Variants in DENND3 observed in about 807,000 individuals in gnomAD.
DENND3 encodes DENN domain-containing protein 3.
A neutral mutation model predicts 135.1 loss-of-function variants in DENND3; 88 were observed. That is an observed-to-expected ratio of 0.65 (90% CI 0.55 to 0.78). The LOEUF is 0.78. DENND3 is among the 30% of genes least tolerant of loss of function. The pLI, the probability that DENND3 is intolerant of heterozygous loss-of-function variation, is 0.00. For missense variants in DENND3, 1,392 were observed against 1,688.4 expected, an observed-to-expected ratio of 0.82 and a Z score of 3.08; for synonymous variants, 693 against 712.3, an observed-to-expected ratio of 0.97 and a Z score of 0.43.
Position 141,128,825 on chromosome 8 carries a change from A to G in DENND3, c.102+16A>G, listed in dbSNP as rs987920802. ...TCTCGAGCAGGTGAGGGGCGGGGAAACTGAGGCGGACGTGGGCCACGAGTC... is the reference window on the plus strand; with the variant it reads ...TCTCGAGCAGGTGAGGGGCGGGGAAGCTGAGGCGGACGTGGGCCACGAGTC... On this transcript the variant is annotated intron_variant, in intron 1 of 22. Transcript: ENST00000519811. The surrounding 1 kb of genome is among the most constrained non-coding windows in gnomAD (Gnocchi z 4.5). 5.1e-6 allele frequency: 7 copies of G among 1,377,204 alleles called. No homozygotes were observed. In the African/African-American group the frequency reaches 7.5e-5, roughly 15 times the overall value. The allele number at this position is 1,377,204 out of a possible 1,614,324, so 85.3% of individuals were successfully genotyped here. A position where few individuals can be genotyped will look rare whatever the true frequency, so the allele number is the denominator to read the frequency against.
intron 16 of DENND3, among the ~76,000 whole-genome samples, chr8:141,179,931 A>G (rs186023407): frequency 2.0e-5 from 3 of 152,176 alleles, no homozygotes; most frequent in African/African-American, 7.2e-5. Flanking sequence ...AGGCGCCCGC[A>G]GGGGCTGGCA....
intron 5 of DENND3, 36 bp from the exon 6 acceptor site, chr8:141,150,798 G>A: frequency 6.4e-7 from 1 of 1,558,934 alleles, no homozygotes; most frequent in Admixed American, 2.0e-5. Context: ...GCCCGGAGCA[G>A]CTCTCTGAAC....
intron 19 of DENND3, among the ~76,000 whole-genome samples, chr8:141,189,792 T>TC (rs1824445630): frequency 6.6e-6 from 1 of 152,132 alleles, no homozygotes; most frequent in Admixed American, 6.5e-5. Flanking sequence ...CTCAGGAGGT[T>TC]CAGGGGTGGC....
At chr8:141,172,291 G>T (rs760529125) in intron 13 of DENND3, among the ~76,000 whole-genome samples, 14 of 152,210 alleles carry the variant, frequency 9.2e-5, no homozygotes, top group Non-Finnish European at 1.5e-4. Flanking sequence ...GGCATGCACT[G>T]TCTTGTTCTG....
At chr8:141,177,408 G>C (rs1261034964) in intron 15 of DENND3, 3 of 152,756 alleles carry the variant, frequency 2.0e-5, no homozygotes, top group African/African-American at 7.2e-5. Context: ...CTCACAGAAA[G>C]GGAACAGTTC....
chr8:141,176,301 CAAAA>C (rs1388425434), intron 14 of DENND3: 4 of 226,738 alleles, frequency 1.8e-5, no homozygotes, highest in Non-Finnish European at 3.3e-5. Context: ...AAAAAAAAAA[CAAAA>C]AGAGGGAGAG....
chr8:141,168,078 G>C lies in DENND3; in HGVS notation c.1828G>C (p.Val610Leu), dbSNP rs778334141. 1.2e-6 allele frequency: 2 copies of C among 1,614,134 alleles called. No individual in the cohort carries two copies. Among genetic ancestry groups the C allele is most frequent in the Non-Finnish European group, 1.7e-6 (2 of 1,180,038 alleles). ...EIHFPLESKC[V>L]QAYHAHFVSM... is the part of the protein sequence containing the mutation. ...CCACTTTCCGCTGGAGAGCAAGTGC[G>C]TGCAGGCATACCATGCCCACTTTGT... Residue 610 changes from valine (V) to leucine (L), a missense_variant, in exon 13 of 23, where the codon GTG becomes CTG. Physicochemically the swap from Val to Leu is conservative, Grantham distance 32. Transcript: ENST00000519811. The surrounding 1 kb of genome is among the most constrained non-coding windows in gnomAD (Gnocchi z 6.2).
chr8:141,175,395 G>C lies in DENND3; in HGVS notation c.2471G>C (p.Arg824Pro). The change falls in exon 14 of 23, where the codon CGC becomes CCC. Residue 824 changes from arginine (R) to proline (P), a missense_variant. Coordinates refer to ENST00000519811, the MANE Select transcript of DENND3 (RefSeq NM_001352890.3). The surrounding 1 kb of genome is among the most constrained non-coding windows in gnomAD (Gnocchi z 5.4). ...GVGKIAMTQKRLFLLTEGRPG... is the reference protein window; with the variant it reads ...GVGKIAMTQKPLFLLTEGRPG... ...GGCAAGATCGCCATGACCCAGAAGCGCCTGTTCCTCCTAACCGAAGGAAGG... is the reference window on the plus strand; with the variant it reads ...GGCAAGATCGCCATGACCCAGAAGCCCCTGTTCCTCCTAACCGAAGGAAGG... The C allele has an allele frequency of 6.2e-7, 1 of 1,614,144 alleles. No individual in the cohort carries two copies. Among genetic ancestry groups the C allele is most frequent in the Non-Finnish European group, 8.5e-7 (1 of 1,180,024 alleles).
In DENND3 at chr8:141,165,185, G is replaced by C; in HGVS notation, c.1450-1G>C. 1 of 1,613,566 alleles carries C rather than the reference G, an allele frequency of 6.2e-7. No individual in the cohort carries two copies. The highest frequency in any genetic ancestry group is 8.5e-7 in the Non-Finnish European group (1 of 1,179,544). On this transcript the variant is annotated splice_acceptor_variant, in intron 10 of 22. Transcript: ENST00000519811. LOFTEE classifies it high-confidence loss of function. ...GTGACCAGCCCCTCTCTCTTTTCCA[G>C]GTCTTAGACACCTACATGTTCCATT...
intron 17 of DENND3, 86 bp from the exon 18 acceptor site, chr8:141,185,053 G>A: frequency 1.3e-6 from 2 of 1,533,354 alleles, no homozygotes; most frequent in African/African-American, 1.4e-5. Flanking sequence ...GGAGGGCCCA[G>A]GAGGCACCTG....
intron 7 of DENND3, among the ~76,000 whole-genome samples, chr8:141,152,795 C>T (rs1168782488): frequency 2.0e-5 from 3 of 152,100 alleles, no homozygotes. Flanking sequence ...TAAGGCAGCT[C>T]TTTGTTTAAC....
intron 5 of DENND3, among the ~76,000 whole-genome samples, chr8:141,147,309 T>C (rs890544995): frequency 3.3e-5 from 5 of 152,234 alleles, no homozygotes; most frequent in Non-Finnish European, 7.3e-5. Flanking sequence ...GCTGCAGAGA[T>C]TATTAACATG....
rs755657298 is a variant in DENND3, at chr8:141,154,989, A to C, written c.1075-860A>C. The stretch of plus-strand genomic sequence containing the variant: ...CACATGCCTCAGATGGGTGAGCCTC[A>C]CAGACATCAACGTGGAGTGAAATAG... On this transcript the variant is annotated intron_variant, in intron 7 of 22. Transcript: ENST00000519811. The surrounding 1 kb of genome is among the most constrained non-coding windows in gnomAD (Gnocchi z 4.4). 1.3e-5 allele frequency among the ~76,000 whole-genome samples: 2 copies of C among 152,212 alleles called. No individual in the cohort carries two copies. The highest frequency in any genetic ancestry group is 2.9e-5 in the Non-Finnish European group (2 of 68,042).
intron 19 of DENND3, among the ~76,000 whole-genome samples, chr8:141,189,435 C>T (rs1228725040): frequency 6.6e-6 from 1 of 152,244 alleles, no homozygotes; most frequent in East Asian, 1.9e-4. Flanking sequence ...CGAGAGGGCA[C>T]AGCCTCCCAG....
chr8:141,190,132 TTATTA>T (rs1824519428), intron 19 of DENND3, 147 bp from the exon 20 acceptor site: 1 of 1,037,320 alleles, frequency 9.6e-7, no homozygotes, highest in African/African-American at 1.7e-5. Context: ...CGTTTGCAGG[TTATTA>T]TGTTTGCATG....
chr8:141,182,435 C>T lies in DENND3; in HGVS notation c.2944+1581C>T. 1.0e-6 allele frequency: 1 copy of T among 985,442 alleles called. No individual in the cohort carries two copies. The highest frequency in any genetic ancestry group is 1.2e-6 in the Non-Finnish European group (1 of 829,930). The allele number at this position is 985,442 out of a possible 1,614,324, so 61.0% of individuals were successfully genotyped here. On this transcript the variant is annotated intron_variant, in intron 17 of 22. Coordinates refer to ENST00000519811, the MANE Select transcript of DENND3 (RefSeq NM_001352890.3). The surrounding 1 kb of genome is among the most constrained non-coding windows in gnomAD (Gnocchi z 5.9). The stretch of plus-strand genomic sequence containing the variant: ...TAAGCCAGGCTCTGTGCTGACTTCG[C>T]CAGAGATGACTCCACAGACCAAGAT...
intron 8 of DENND3, among the ~76,000 whole-genome samples, chr8:141,158,455 TG>T (rs1234270929): frequency 6.6e-6 from 1 of 152,222 alleles, no homozygotes; most frequent in African/African-American, 2.4e-5. Flanking sequence ...ATACGGAGGC[TG>T]GGCCCCGCTT....
intron 10 of DENND3, among the ~76,000 whole-genome samples, chr8:141,164,242 C>T (rs947063420): frequency 1.3e-5 from 2 of 152,230 alleles, no homozygotes; most frequent in African/African-American, 4.8e-5. Context: ...AGGAATGTCC[C>T]GTGGTTGGGA....
At position 141,128,658 on chromosome 8, in the gene DENND3, G is replaced by C; in HGVS notation, c.-50G>C. 8.1e-7 allele frequency: 1 copy of C among 1,229,846 alleles called. No homozygotes were observed. The highest frequency in any genetic ancestry group is 1.0e-6 in the Non-Finnish European group (1 of 965,542). 76.2% of individuals were successfully genotyped at this position (1,229,846 alleles called of 1,614,324 possible). On this transcript the variant is annotated 5_prime_UTR_variant, in exon 1 of 23. Coordinates refer to ENST00000519811, the MANE Select transcript of DENND3 (RefSeq NM_001352890.3). This position sits in a 1 kb window ranked among gnomAD's most constrained non-coding sequence, Gnocchi z 4.5. ...GGTCCCCAGGGGTCTGCGGGCGACT[G>C]CGCGGCTGAGGCGCCCGAGTGCGGT...
Sources: gnomAD v4.1 joint callset for allele counts (sites outside exome capture counted in the v4.1 genomes callset) on GRCh38, gnomAD v4.1.1 for gene constraint, Gnocchi (gnomAD v3.1) non-coding constraint, MANE v1.5 for transcripts, NCBI Gene and HGNC (gene_info 2026-07-23, HGNC 2026-07-21) for gene names.